The following RARB variants were observed in gnomAD, a reference collection of about 807,000 sequenced individuals.
RARB encodes retinoic acid receptor beta, also known as HBV-activated protein.
RARB carries 17 observed loss-of-function variants against 51.9 expected under a neutral mutation model. The ratio of observed to expected loss-of-function variants is 0.33; its 90% CI spans 0.22 to 0.49. The LOEUF is 0.49. RARB is among the 20% of genes least tolerant of loss of function. The probability of loss-of-function intolerance (pLI) is 0.99; values close to 1 mark genes in which losing one functional copy is unlikely to be tolerated. For synonymous variants in RARB, 215 were observed against 195.4 expected (o/e 1.10, Z -0.84); for missense variants, 369 against 550.8 (o/e 0.67, Z 3.30).
At chr3:25,348,536 T>G (rs1233824428) in intron 5 of RARB, among the ~76,000 whole-genome samples, 2 of 152,064 alleles carry the variant, frequency 1.3e-5, no homozygotes, top group East Asian at 3.9e-4. Context: ...AATCCACCAG[T>G]GGGTTTAAGT....
chr3:24,892,319 T>C (rs1210823435), intron 2 of RARB, among the ~76,000 whole-genome samples: 3 of 151,918 alleles, frequency 2.0e-5, no homozygotes, highest in Non-Finnish European at 4.4e-5. Context: ...CTTAGGGCTA[T>C]CTGAGAGATG....
At chr3:25,260,255 A>G (rs1702964150) in intron 5 of RARB, among the ~76,000 whole-genome samples, 1 of 152,142 alleles carries the variant, frequency 6.6e-6, no homozygotes. Flanking sequence ...TTGTTCATAG[A>G]CAAGAAAGCT....
chr3:25,479,043 G>A (rs938126008), intron 2 of RARB, among the ~76,000 whole-genome samples: 3 of 152,116 alleles, frequency 2.0e-5, no homozygotes, highest in Non-Finnish European at 4.4e-5. Flanking sequence ...TCGTCTATGG[G>A]CCTTTAATTG....
intron 2 of RARB, among the ~76,000 whole-genome samples, chr3:24,860,108 T>A (rs949637551): frequency 3.3e-5 from 5 of 152,166 alleles, no homozygotes; most frequent in African/African-American, 4.8e-5. Context: ...ATGTTCATGT[T>A]AAACTAATCA....
At chr3:25,569,404 G>C (rs1304999343) in intron 3 of RARB, among the ~76,000 whole-genome samples, 3 of 152,192 alleles carry the variant, frequency 2.0e-5, no homozygotes, top group Admixed American at 6.5e-5. Context: ...GTCACTCAGG[G>C]CATCCCATTT....
chr3:25,241,527 C>T (rs916559242), intron 5 of RARB, among the ~76,000 whole-genome samples: 2 of 152,142 alleles, frequency 1.3e-5, no homozygotes, highest in Non-Finnish European at 1.5e-5. Flanking sequence ...CGTATTTTCT[C>T]ATTGTTCAAC....
intron 3 of RARB, among the ~76,000 whole-genome samples, chr3:25,121,372 T>A (rs1411930125): frequency 6.6e-6 from 1 of 152,166 alleles, no homozygotes; most frequent in Non-Finnish European, 1.5e-5. Context: ...ATTTCTAGCT[T>A]CCTATTTAGA....
chr3:24,935,396 T>A (rs1177998836), intron 2 of RARB, among the ~76,000 whole-genome samples: 1 of 152,084 alleles, frequency 6.6e-6, no homozygotes, highest in East Asian at 1.9e-4. Flanking sequence ...TCAGACACAC[T>A]ACAGCAGTAT....
At chr3:24,944,093 A>G (rs1261424511) in intron 2 of RARB, among the ~76,000 whole-genome samples, 1 of 152,156 alleles carries the variant, frequency 6.6e-6, no homozygotes, top group Non-Finnish European at 1.5e-5. Context: ...TCCTGTCATG[A>G]TTGAAGTCTG....
At chr3:24,927,195 G>C (rs1014836315) in intron 2 of RARB, among the ~76,000 whole-genome samples, 1 of 151,882 alleles carries the variant, frequency 6.6e-6, no homozygotes, top group Non-Finnish European at 1.5e-5. Context: ...AGTAAAACTC[G>C]TAGATTTGCA....
chr3:24,832,154 A>G (rs368044610), intron 1 of RARB, among the ~76,000 whole-genome samples: 1 of 152,244 alleles, frequency 6.6e-6, no homozygotes, highest in South Asian at 2.1e-4. Flanking sequence ...AAAGGCTCTA[A>G]AGTAAAATGC....
chr3:25,253,410 A>G (rs1282196342), intron 5 of RARB, among the ~76,000 whole-genome samples: 1 of 152,298 alleles, frequency 6.6e-6, no homozygotes, highest in African/African-American at 2.4e-5. Flanking sequence ...TAGAGACTCT[A>G]TGGTGTGTCT....
chr3:25,081,041 G>T (rs1442191253), intron 3 of RARB, among the ~76,000 whole-genome samples: 5 of 151,948 alleles, frequency 3.3e-5, no homozygotes, highest in African/African-American at 1.2e-4. Context: ...CATACTGTGG[G>T]TTTAATTTGC....
At chr3:24,863,476 T>C (rs751118831) in intron 2 of RARB, among the ~76,000 whole-genome samples, 1 of 152,168 alleles carries the variant, frequency 6.6e-6, no homozygotes, top group Admixed American at 6.5e-5. Flanking sequence ...TGGAGTGTAA[T>C]ATCATTTGCC....
chr3:25,490,699 A>AT (rs149658792), intron 2 of RARB, among the ~76,000 whole-genome samples: 12 of 150,800 alleles, frequency 8.0e-5, no homozygotes, highest in Admixed American at 2.0e-4. Context: ...ATTTTGTTGC[A>AT]TTTTTTTTTC....
chr3:24,988,869 A>G (rs1333422951), intron 2 of RARB, among the ~76,000 whole-genome samples: 3 of 152,260 alleles, frequency 2.0e-5, no homozygotes, highest in African/African-American at 2.4e-5. Flanking sequence ...TCTGTCAGCC[A>G]GGCTGGAGTG....
chr3:25,517,510 G>A (rs1386396829), intron 3 of RARB, among the ~76,000 whole-genome samples: 4 of 152,178 alleles, frequency 2.6e-5, no homozygotes, highest in Admixed American at 2.6e-4. Context: ...TTAGGAAGAT[G>A]TACAGAAATT....
intron 5 of RARB, among the ~76,000 whole-genome samples, chr3:25,338,138 A>G (rs889395861): frequency 1.4e-5 from 2 of 145,358 alleles, no homozygotes; most frequent in African/African-American, 2.5e-5. Flanking sequence ...CACACACAGA[A>G]TTAAGCAAAG....
intron 5 of RARB, among the ~76,000 whole-genome samples, chr3:25,330,303 A>G (rs1416937148): frequency 6.6e-6 from 1 of 152,238 alleles, no homozygotes; most frequent in Non-Finnish European, 1.5e-5. Context: ...CCATCAGACT[A>G]ACAGCGGATC....
Sources: gnomAD v4.1 joint callset for allele counts (sites outside exome capture counted in the v4.1 genomes callset) on GRCh38, gnomAD v4.1.1 for gene constraint, MANE v1.5 for transcripts, NCBI Gene and HGNC (gene_info 2026-07-23, HGNC 2026-07-21) for gene names.